TMPRSS9: variants seen among roughly 807,000 people sequenced by gnomAD.
The protein encoded by TMPRSS9 is transmembrane serine protease 9, also known as transmembrane protease serine 9.
In TMPRSS9, 113 loss-of-function variants were observed where a neutral mutation model predicts 111.4. The ratio of observed to expected loss-of-function variants is 1.01; its 90% CI spans 0.87 to 1.19. The LOEUF (loss-of-function observed/expected upper bound fraction) is 1.19, where lower values mean the gene tolerates loss of function less well. TMPRSS9 is among the 50% of genes most tolerant of loss of function. The probability of loss-of-function intolerance (pLI) is 0.00; values close to 1 mark genes in which losing one functional copy is unlikely to be tolerated. For missense variants in TMPRSS9, 1,803 were observed against 1,513.1 expected (o/e 1.19, Z -3.18); for synonymous variants, 805 against 659.1 (o/e 1.22, Z -3.39).
At chr19:2,409,352 CG>C (rs1971048724) in intron 8 of TMPRSS9, among the ~76,000 whole-genome samples, 1 of 151,874 alleles carries the variant, frequency 6.6e-6, no homozygotes, top group Non-Finnish European at 1.5e-5. Context: ...CCGTGTTGGC[CG>C]GGCTGGTCTT....
chr19:2,426,057 G>A, exon 18 of TMPRSS9: 2 of 1,609,672 alleles, frequency 1.2e-6, no homozygotes, highest in South Asian at 2.2e-5. Context: ...GCAGCTGTGA[G>A]AGGCTGGATA....
chr19:2,391,025 AAG>A (rs1436408197), intron 1 of TMPRSS9, among the ~76,000 whole-genome samples: 110 of 127,464 alleles, frequency 8.6e-4, no homozygotes, highest in African/African-American at 3.1e-3. Flanking sequence ...GAAAGAAAGA[AAG>A]AAAGAAAGGG....
chr19:2,405,628 G>T, intron 7 of TMPRSS9, 83 bp downstream of exon 8: 1 of 1,385,204 alleles, frequency 7.2e-7, no homozygotes, highest in Non-Finnish European at 9.5e-7. Flanking sequence ...GTCACTTCTG[G>T]TTTCCTTAGA....
At chr19:2,419,813 G>A (rs1008365752) in intron 13 of TMPRSS9, among the ~76,000 whole-genome samples, 7 of 152,074 alleles carry the variant, frequency 4.6e-5, no homozygotes, top group South Asian at 2.1e-4. Context: ...CACTGCACCC[G>A]GCCATAGCCA....
chr19:2,396,391 T>C, intron 1 of TMPRSS9, 148 bp from the exon 3 acceptor site: 1 of 913,946 alleles, frequency 1.1e-6, no homozygotes, highest in Non-Finnish European at 1.5e-6. Context: ...TATTCAGGGC[T>C]ATCACGGGGG....
upstream of TMPRSS9, among the ~76,000 whole-genome samples, chr19:2,385,172 C>A (rs1394187744): frequency 7.2e-4 from 8 of 11,160 alleles, no homozygotes; most frequent in African/African-American, 2.1e-3. Flanking sequence ...GCGGGGCTCG[C>A]GGGGGGCGGG....
chr19:2,402,480 C>T (rs1383700634), intron 5 of TMPRSS9, among the ~76,000 whole-genome samples: 4 of 151,922 alleles, frequency 2.6e-5, no homozygotes, highest in Admixed American at 6.6e-5. Context: ...TGGCTCATGC[C>T]TGTAATCCCA....
intron 1 of TMPRSS9, among the ~76,000 whole-genome samples, chr19:2,364,165 G>C (rs1213963404): frequency 1.3e-4 from 19 of 151,878 alleles, no homozygotes. Context: ...CTGGGTGACG[G>C]AGTGAGACCC....
At chr19:2,406,893 G>A (rs1009605092) in intron 7 of TMPRSS9, among the ~76,000 whole-genome samples, 3 of 150,404 alleles carry the variant, frequency 2.0e-5, no homozygotes, top group Non-Finnish European at 3.0e-5. Context: ...TCCACCTCCC[G>A]GGATCAAGCG....
exon 18 of TMPRSS9, chr19:2,426,026 C>A: frequency 6.2e-7 from 1 of 1,609,124 alleles, no homozygotes; most frequent in Non-Finnish European, 8.5e-7. Context: ...GCCCCACTTC[C>A]CAGGTGTCTA....
rs184758747 is a variant in TMPRSS9, at chr19:2,382,301, T to G, written c.-25-7460T>G. Among the ~76,000 whole-genome samples, 6 of 117,780 alleles carry G rather than the reference T, an allele frequency of 5.1e-5. No homozygotes were observed. The Admixed American group carries it at 5.9e-4, about 12-fold the overall frequency. 77.3% of individuals were successfully genotyped at this position (117,780 alleles called of 152,430 possible). ...CCATGTGCCACCATGCCCGGCTAAT[T>G]TTTTTATTTTGGTAGAGATGGGGTT... On this transcript the variant is annotated intron_variant, in intron 1 of 17. Transcript: ENST00000649857.
intron 8 of TMPRSS9, among the ~76,000 whole-genome samples, chr19:2,409,021 AATAATAATAATG>A (rs1189534221): frequency 7.3e-4 from 105 of 143,282 alleles, no homozygotes; most frequent in African/African-American, 1.7e-3. Context: ...TAATAATAAT[AATAATAATAATG>A]ATGATGCAGA....
At chr19:2,394,337 T>C (rs1173415906) in intron 1 of TMPRSS9, among the ~76,000 whole-genome samples, 2 of 151,826 alleles carry the variant, frequency 1.3e-5, no homozygotes, top group Non-Finnish European at 2.9e-5. Context: ...CAGTGAGCAG[T>C]GATTGTGCCA....
At position 2,409,279 on chromosome 19, in the gene TMPRSS9, T is replaced by C. The variant is rs572671932; in HGVS notation, c.1117+649T>C. 6.2e-3 allele frequency among the ~76,000 whole-genome samples: 940 copies of C among 151,254 alleles called. 9 individuals carry two copies. Among genetic ancestry groups the C allele is most frequent in the Non-Finnish European group, 8.2e-3 (559 of 67,836 alleles). On this transcript the variant is annotated intron_variant, in intron 8 of 17. Transcript: ENST00000648592. ...CTCAGCCTCTGAGTAGCTGGGACTA[T>C]AGGCATGCACCACCACACCCGGCAA...
At chr19:2,407,593 T>TTTTTC (rs1438246338) in intron 7 of TMPRSS9, among the ~76,000 whole-genome samples, 2 of 6,110 alleles carry the variant, frequency 3.3e-4, no homozygotes, top group Non-Finnish European at 6.0e-4. Flanking sequence ...ACCTGTGATT[T>TTTTTC]TTTTCTTTTC....
At chr19:2,389,981 C>G in intron 1 of TMPRSS9, 54 bp downstream of exon 2, 7 of 1,569,888 alleles carry the variant, frequency 4.5e-6, no homozygotes, top group Non-Finnish European at 6.1e-6. Context: ...TGTGCAAAGT[C>G]ACCGGGAAGT....
chr19:2,422,836 C>T (rs1282458846), intron 14 of TMPRSS9, among the ~76,000 whole-genome samples: 3 of 151,774 alleles, frequency 2.0e-5, no homozygotes, highest in East Asian at 3.9e-4. Context: ...TGCAGTGAGC[C>T]GAGATCGTGC....
chr19:2,407,248 C>T (rs1307096358), intron 7 of TMPRSS9, among the ~76,000 whole-genome samples: 1 of 151,746 alleles, frequency 6.6e-6, no homozygotes, highest in East Asian at 1.9e-4. Flanking sequence ...CTATAGTGAG[C>T]TTGTGGCTCA....
Position 2,406,248 on chromosome 19 carries a change from G to C in TMPRSS9, c.842+703G>C, listed in dbSNP as rs182215495. Reference sequence around the variant, plus strand: ...TTAGTCAGGATGGTCTCGATCTCCTGACCTCGTGATCCGCCCACCTCGGCC... The same window carrying C: ...TTAGTCAGGATGGTCTCGATCTCCTCACCTCGTGATCCGCCCACCTCGGCC... On this transcript the variant is annotated intron_variant, in intron 7 of 17. Coordinates refer to ENST00000648592, the Ensembl canonical transcript of TMPRSS9. 8.6e-5 allele frequency among the ~76,000 whole-genome samples: 13 copies of C among 151,134 alleles called. No homozygotes were observed. The East Asian group carries it at 2.5e-3, about 29-fold the overall frequency.
Sources: gnomAD v4.1 joint callset for allele counts (sites outside exome capture counted in the v4.1 genomes callset) on GRCh38, gnomAD v4.1.1 for gene constraint, MANE v1.5 for transcripts, NCBI Gene and HGNC (gene_info 2026-07-23, HGNC 2026-07-21) for gene names.